The following TNFRSF21 variants were observed in gnomAD, a reference collection of about 807,000 sequenced individuals.
TNFRSF21 encodes tumor necrosis factor receptor superfamily member 21.
Under a neutral mutation model 45.6 loss-of-function variants are expected in TNFRSF21, and 19 were observed. The observed-to-expected ratio is 0.42, with a 90% confidence interval of 0.29 to 0.61. The LOEUF is 0.61. Ranked by LOEUF, TNFRSF21 falls within the 20% of genes least tolerant of loss-of-function variation. The pLI, the probability that TNFRSF21 is intolerant of heterozygous loss-of-function variation, is 0.23. For synonymous variants in TNFRSF21, 314 were observed against 335.5 expected (o/e 0.94, Z 0.70); for missense variants, 737 against 851.5 (o/e 0.87, Z 1.67).
At chr6:47,290,113 C>T (rs181510354) in intron 1 of TNFRSF21, among the ~76,000 whole-genome samples, 1 of 152,336 alleles carries the variant, frequency 6.6e-6, no homozygotes, top group African/African-American at 2.4e-5. Flanking sequence ...GGCATGTCTA[C>T]ATGCAAAAGC....
At chr6:47,245,659 T>TTTTA (rs1554149622) in intron 4 of TNFRSF21, among the ~76,000 whole-genome samples, 2 of 151,996 alleles carry the variant, frequency 1.3e-5, no homozygotes, top group African/African-American at 4.8e-5. Flanking sequence ...ATTAACAGTA[T>TTTTA]TTTCTTTCTC....
chr6:47,250,873 G>C (rs1243101189), intron 4 of TNFRSF21, among the ~76,000 whole-genome samples: 1 of 152,180 alleles, frequency 6.6e-6, no homozygotes, highest in East Asian at 1.9e-4. Context: ...AACTTTTTGA[G>C]CACCAACATA....
intron 5 of TNFRSF21, 78 bp from the exon 6 acceptor site, chr6:47,233,072 C>T: frequency 7.5e-7 from 1 of 1,335,482 alleles, no homozygotes; most frequent in Non-Finnish European, 1.1e-6. Context: ...GAGCAGGGTC[C>T]TAGAGAGAGA....
chr6:47,261,098 C>T (rs1000088474), intron 3 of TNFRSF21, among the ~76,000 whole-genome samples: 1 of 152,168 alleles, frequency 6.6e-6, no homozygotes, highest in East Asian at 1.9e-4. Context: ...CTAACACCCC[C>T]CCAAACCTCC....
In TNFRSF21 at chr6:47,284,176, A is replaced by C. The variant is rs1762614080; in HGVS notation, c.1005T>G (p.His335Gln). The part of the protein sequence containing the change: ...STPIKGPKRG[H>Q]PRQNLHKHFD... ...AATGCTTGTGTAGGTTCTGTCTAGG[A>C]TGTCCCCTCTTGGGGCCCTTGATGG... The change falls in exon 3 of 6, where the codon CAT (histidine) becomes CAG (glutamine). Residue 335 changes from histidine to glutamine, a missense_variant. Transcript: ENST00000296861. 1.2e-6 allele frequency: 2 copies of C among 1,614,100 alleles called. No individual in the cohort carries two copies. Among genetic ancestry groups the C allele is most frequent in the African/African-American group, 2.7e-5 (2 of 74,946 alleles).
At chr6:47,268,769 G>T (rs961540313) in intron 3 of TNFRSF21, among the ~76,000 whole-genome samples, 1 of 152,124 alleles carries the variant, frequency 6.6e-6, no homozygotes, top group Admixed American at 6.6e-5. Flanking sequence ...GAGACAGCAG[G>T]TCAGGCTCTG....
At chr6:47,244,323 C>CAAA (rs764763953) in intron 4 of TNFRSF21, among the ~76,000 whole-genome samples, 12,406 of 75,758 alleles carry the variant, frequency 0.16, 906 homozygotes, top group East Asian at 0.45. Flanking sequence ...GACTCCGTCT[C>CAAA]AAAAAAAAAA....
chr6:47,264,687 C>T, intron 3 of TNFRSF21, among the ~76,000 whole-genome samples: 1 of 152,164 alleles, frequency 6.6e-6, no homozygotes, highest in African/African-American at 2.4e-5. Context: ...AGAGGCTTTT[C>T]TCCTGCCAAC....
At chr6:47,297,380 A>C (rs550751736) in intron 1 of TNFRSF21, among the ~76,000 whole-genome samples, 1 of 152,360 alleles carries the variant, frequency 6.6e-6, no homozygotes, top group East Asian at 1.9e-4. Flanking sequence ...CATAGTAAGC[A>C]TTCCATAAAT....
chr6:47,273,460 A>G lies in TNFRSF21; in HGVS notation c.1243+10478T>C, dbSNP rs185931338. Reference sequence around the variant, plus strand: ...GAAAAGGCCTTCGACAAAATTCAACAGCGCTTCATGCTAAAAAATCTCAAT... The same window carrying G: ...GAAAAGGCCTTCGACAAAATTCAACGGCGCTTCATGCTAAAAAATCTCAAT... On this transcript the variant is annotated intron_variant, in intron 3 of 5. Transcript: ENST00000296861. 5.9e-4 allele frequency among the ~76,000 whole-genome samples: 90 copies of G among 152,322 alleles called. 1 individual carries two copies. In the Middle Eastern group the frequency reaches 0.01, roughly 17 times the overall value.
intron 1 of TNFRSF21, among the ~76,000 whole-genome samples, chr6:47,295,047 C>A (rs775549651): frequency 1.1e-4 from 16 of 152,096 alleles, no homozygotes; most frequent in Non-Finnish European, 4.4e-5. Context: ...ACTATAAATG[C>A]CTACTGAATG....
chr6:47,254,184 A>T (rs1476717667), intron 3 of TNFRSF21, among the ~76,000 whole-genome samples: 1 of 152,172 alleles, frequency 6.6e-6, no homozygotes, highest in Non-Finnish European at 1.5e-5. Flanking sequence ...CAGTACTGAG[A>T]CAGTCAATCT....
intron 5 of TNFRSF21, among the ~76,000 whole-genome samples, chr6:47,233,754 A>T (rs1764619906): frequency 6.6e-6 from 1 of 151,634 alleles, no homozygotes; most frequent in African/African-American, 2.4e-5. Context: ...AACATTTTAT[A>T]AATACGTAAA....
intron 3 of TNFRSF21, among the ~76,000 whole-genome samples, chr6:47,258,341 GC>G (rs1402524430): frequency 2.7e-5 from 4 of 150,840 alleles, no homozygotes; most frequent in Non-Finnish European, 5.9e-5. Flanking sequence ...CCGCACCCCA[GC>G]CTAAGCAACA....
intron 4 of TNFRSF21, among the ~76,000 whole-genome samples, chr6:47,240,334 T>A (rs552926766): frequency 1.3e-5 from 2 of 152,326 alleles, no homozygotes; most frequent in Admixed American, 1.3e-4. Context: ...TAAATCTAAC[T>A]GAAACTTACT....
intron 1 of TNFRSF21, among the ~76,000 whole-genome samples, chr6:47,304,265 C>T (rs752764487): frequency 3.4e-5 from 5 of 148,352 alleles, no homozygotes; most frequent in Admixed American, 6.8e-5. Context: ...GATAATGCAC[C>T]GGATCATTTC....
intron 3 of TNFRSF21, among the ~76,000 whole-genome samples, chr6:47,259,652 G>A (rs752458224): frequency 2.3e-4 from 35 of 152,142 alleles, no homozygotes; most frequent in Non-Finnish European, 4.3e-4. Context: ...TGGGATTACG[G>A]GTGTGAGCCA....
chr6:47,281,666 C>A (rs942358402), intron 3 of TNFRSF21, among the ~76,000 whole-genome samples: 3 of 152,112 alleles, frequency 2.0e-5, no homozygotes, highest in African/African-American at 4.8e-5. Flanking sequence ...CAGGCATGAG[C>A]CACCACGCCT....
chr6:47,255,294 GT>G (rs1764969179), intron 3 of TNFRSF21, among the ~76,000 whole-genome samples: 1 of 152,186 alleles, frequency 6.6e-6, no homozygotes, highest in South Asian at 2.1e-4. Flanking sequence ...CTCTCCCTGA[GT>G]AGCTCACTTT....
Sources: allele counts gnomAD v4.1 joint callset (sites outside exome capture counted in the v4.1 genomes callset), GRCh38; gene constraint gnomAD v4.1.1; transcripts MANE v1.5; gene names NCBI Gene and HGNC (gene_info 2026-07-23, HGNC 2026-07-21).